ERP44: variants seen among roughly 807,000 people sequenced by gnomAD.
ERP44 encodes the protein endoplasmic reticulum resident protein 44.
A neutral mutation model predicts 53.4 loss-of-function variants in ERP44; 25 were observed. The ratio of observed to expected loss-of-function variants is 0.47; its 90% confidence interval spans 0.34 to 0.65. The LOEUF (loss-of-function observed/expected upper bound fraction) is 0.65. Among genes scored for constraint, ERP44 ranks in the 30% least tolerant of loss-of-function variants. The pLI, the probability that ERP44 is intolerant of heterozygous loss-of-function variation, is 0.01. For missense variants in ERP44, 338 were observed against 493.2 expected, an observed-to-expected ratio of 0.69 and a Z score of 2.98; for synonymous variants, 145 against 161.2, an observed-to-expected ratio of 0.90 and a Z score of 0.76.
intron 1 of ERP44, among the ~76,000 whole-genome samples, chr9:100,078,327 G>A (rs1405677098): frequency 6.6e-6 from 1 of 151,310 alleles, no homozygotes. Context: ...GCGTGGTGGT[G>A]GGCAACTGTA....
At chr9:100,004,713 C>G (rs188304835) in intron 10 of ERP44, among the ~76,000 whole-genome samples, 1 of 152,286 alleles carries the variant, frequency 6.6e-6, no homozygotes, top group Admixed American at 6.5e-5. Flanking sequence ...TTCAATGCAT[C>G]ATTTCTTTAC....
intron 3 of ERP44, among the ~76,000 whole-genome samples, chr9:100,052,883 G>C (rs1826052899): frequency 6.6e-6 from 1 of 152,090 alleles, no homozygotes; most frequent in African/African-American, 2.4e-5. Flanking sequence ...ACTGAGGCTT[G>C]AACATTTATG....
chr9:100,053,912 T>C (rs1291584874), intron 3 of ERP44, among the ~76,000 whole-genome samples: 1 of 152,218 alleles, frequency 6.6e-6, no homozygotes, highest in African/African-American at 2.4e-5. Context: ...TTAATCCACA[T>C]GTAATTAGTT....
At chr9:100,075,940 G>A (rs913087888) in intron 1 of ERP44, among the ~76,000 whole-genome samples, 5 of 152,166 alleles carry the variant, frequency 3.3e-5, no homozygotes, top group African/African-American at 1.2e-4. Flanking sequence ...TAACCCAGCA[G>A]ATCCAATGGT....
chr9:100,054,404 A>C (rs1324211221), intron 3 of ERP44, among the ~76,000 whole-genome samples: 1 of 152,144 alleles, frequency 6.6e-6, no homozygotes, highest in African/African-American at 2.4e-5. Flanking sequence ...AAGAGCGGGC[A>C]AGCCTCTTTA....
chr9:100,021,297 C>T (rs1830585984), intron 5 of ERP44, among the ~76,000 whole-genome samples: 2 of 152,216 alleles, frequency 1.3e-5, no homozygotes, highest in South Asian at 4.1e-4. Context: ...TTTCCTGTGA[C>T]ATAACCCAGT....
At chr9:100,005,605 C>T (rs549430380) in intron 10 of ERP44, among the ~76,000 whole-genome samples, 26 of 152,080 alleles carry the variant, frequency 1.7e-4, no homozygotes, top group South Asian at 2.1e-4. Flanking sequence ...TTTTTATATA[C>T]GAAGAAACAA....
At chr9:100,079,948 A>G (rs546751564) in intron 1 of ERP44, among the ~76,000 whole-genome samples, 36 of 152,116 alleles carry the variant, frequency 2.4e-4, no homozygotes, top group Admixed American at 3.9e-4. Flanking sequence ...AAAAACAAAA[A>G]AAAAAAAAAC....
chr9:100,036,135 G>A (rs978756113), intron 4 of ERP44, among the ~76,000 whole-genome samples: 1 of 152,160 alleles, frequency 6.6e-6, no homozygotes, highest in Non-Finnish European at 1.5e-5. Context: ...CAAAACCACA[G>A]AACCAACCTA....
At chr9:100,012,552 T>C (rs1830485238) in intron 8 of ERP44, among the ~76,000 whole-genome samples, 1 of 152,162 alleles carries the variant, frequency 6.6e-6, no homozygotes, top group African/African-American at 2.4e-5. Flanking sequence ...GAGAATCTCA[T>C]ACAAACATTC....
At chr9:99,983,959 G>A (rs1830173814) in intron 11 of ERP44, among the ~76,000 whole-genome samples, 2 of 152,140 alleles carry the variant, frequency 1.3e-5, no homozygotes, top group Non-Finnish European at 2.9e-5. Flanking sequence ...ATACAATAAC[G>A]GTAAATGACA....
chr9:100,090,071 C>T (rs1385971937), intron 1 of ERP44, among the ~76,000 whole-genome samples: 1 of 152,108 alleles, frequency 6.6e-6, no homozygotes, highest in East Asian at 1.9e-4. Flanking sequence ...AAATAATATC[C>T]ACTCCTACAG....
At chr9:100,020,229 T>C (rs369981023) in intron 6 of ERP44, among the ~76,000 whole-genome samples, 3 of 152,216 alleles carry the variant, frequency 2.0e-5, no homozygotes, top group African/African-American at 4.8e-5. Context: ...GGTGGAGAGA[T>C]GGAGATGAAT....
intron 4 of ERP44, among the ~76,000 whole-genome samples, chr9:100,043,703 TGAG>T (rs1193605565): frequency 6.6e-6 from 1 of 151,418 alleles, no homozygotes; most frequent in Non-Finnish European, 1.5e-5. Context: ...TGCAGTGAGC[TGAG>T]AACGCGCCAC....
At chr9:100,037,447 G>A (rs962845095) in intron 4 of ERP44, among the ~76,000 whole-genome samples, 2 of 152,112 alleles carry the variant, frequency 1.3e-5, no homozygotes, top group Admixed American at 6.6e-5. Flanking sequence ...TCTTAGGGCT[G>A]AACTGGACTC....
At chr9:99,994,610 C>A (rs1830290857) in intron 10 of ERP44, among the ~76,000 whole-genome samples, 1 of 152,048 alleles carries the variant, frequency 6.6e-6, no homozygotes, top group African/African-American at 2.4e-5. Flanking sequence ...AAGTAACAAA[C>A]CTGCACGTTG....
At chr9:100,082,060 CA>C (rs1448087510) in intron 1 of ERP44, among the ~76,000 whole-genome samples, 1 of 151,358 alleles carries the variant, frequency 6.6e-6, no homozygotes, top group African/African-American at 2.4e-5. Context: ...TGTAATGCAA[CA>C]AAAAAGGAAC....
At chr9:100,012,888 C>G (rs189370926) in intron 8 of ERP44, among the ~76,000 whole-genome samples, 3 of 152,246 alleles carry the variant, frequency 2.0e-5, no homozygotes, top group Admixed American at 6.5e-5. Flanking sequence ...TGGCTAAGGA[C>G]TTAAGGATCC....
At chr9:100,053,173 T>C (rs10988957) in intron 3 of ERP44, among the ~76,000 whole-genome samples, 23,978 of 152,198 alleles carry the variant, frequency 0.16, 2,631 homozygotes, top group African/African-American at 0.31. Flanking sequence ...AAAGAATATA[T>C]GGTATATAAT....
Sources: allele counts gnomAD v4.1 joint callset (sites outside exome capture counted in the v4.1 genomes callset), GRCh38; gene constraint gnomAD v4.1.1; transcripts MANE v1.5; gene names NCBI Gene and HGNC (gene_info 2026-07-23, HGNC 2026-07-21).